KCNIP4: variants seen among roughly 807,000 people sequenced by gnomAD.
The protein encoded by KCNIP4 is Kv channel-interacting protein 4.
A neutral mutation model predicts 34.0 loss-of-function variants in KCNIP4; 12 were observed. That is an observed-to-expected ratio of 0.35 (90% CI 0.23 to 0.57). The LOEUF is 0.57. Among genes scored for constraint, KCNIP4 ranks in the 20% least tolerant of loss-of-function variants. The probability of loss-of-function intolerance (pLI) is 0.83; values close to 1 mark genes in which losing one functional copy is unlikely to be tolerated. For missense variants in KCNIP4, 238 were observed against 311.7 expected (o/e 0.76, Z 1.78); for synonymous variants, 124 against 102.2 (o/e 1.21, Z -1.29).
At chr4:21,280,226 A>G (rs2109164385) in intron 1 of KCNIP4, among the ~76,000 whole-genome samples, 1 of 152,306 alleles carries the variant, frequency 6.6e-6, no homozygotes, top group African/African-American at 2.4e-5. Flanking sequence ...GCAACTATGT[A>G]ATGCACCCCA....
At chr4:21,075,509 C>T (rs573704152) in intron 1 of KCNIP4, among the ~76,000 whole-genome samples, 1 of 152,114 alleles carries the variant, frequency 6.6e-6, no homozygotes, top group East Asian at 1.9e-4. Flanking sequence ...TTCCTCCATC[C>T]CTGTATTTTG....
At chr4:21,545,972 A>C (rs758754404) in intron 1 of KCNIP4, among the ~76,000 whole-genome samples, 2 of 152,092 alleles carry the variant, frequency 1.3e-5, no homozygotes, top group African/African-American at 2.4e-5. Context: ...GTCTTCCACA[A>C]TGGTTGAACT....
At chr4:20,925,262 TG>T (rs1560574461) in intron 1 of KCNIP4, among the ~76,000 whole-genome samples, 1 of 152,054 alleles carries the variant, frequency 6.6e-6, no homozygotes, top group Non-Finnish European at 1.5e-5. Context: ...AAATAGGAAC[TG>T]GGTAAAAATA....
chr4:21,389,843 T>C (rs1340296016), intron 1 of KCNIP4, among the ~76,000 whole-genome samples: 1 of 152,084 alleles, frequency 6.6e-6, no homozygotes, highest in East Asian at 1.9e-4. Flanking sequence ...GGTCAAATGG[T>C]ATTTCTAGTT....
chr4:21,047,243 G>C (rs1023535789), intron 1 of KCNIP4, among the ~76,000 whole-genome samples: 1 of 151,878 alleles, frequency 6.6e-6, no homozygotes, highest in African/African-American at 2.4e-5. Context: ...GATTTTTTTG[G>C]TCTTATGTTT....
Position 21,907,592 on chromosome 4 carries a change from T to C in KCNIP4, c.61+40979A>G, listed in dbSNP as rs1728074576. 1.6e-4 allele frequency among the ~76,000 whole-genome samples: 24 copies of C among 152,176 alleles called. 1 individual carries two copies. Among genetic ancestry groups the C allele is most frequent in the Admixed American group, 1.6e-3 (24 of 15,264 alleles). On this transcript the variant is annotated intron_variant, in intron 1 of 8. Coordinates refer to ENST00000382152, the MANE Select transcript of KCNIP4 (RefSeq NM_025221.6). ...GATTTTTATTTAGAAATGAACTTTATGGGGAATGTGTCTCTTCAGCTTTAT... is the reference window on the plus strand; with the variant it reads ...GATTTTTATTTAGAAATGAACTTTACGGGGAATGTGTCTCTTCAGCTTTAT...
At chr4:21,753,691 G>A (rs377055677) in intron 1 of KCNIP4, among the ~76,000 whole-genome samples, 7 of 152,206 alleles carry the variant, frequency 4.6e-5, no homozygotes, top group East Asian at 3.9e-4. Context: ...GCCCGGACTC[G>A]TCTTCGAATC....
chr4:21,129,909 AT>A, intron 1 of KCNIP4, among the ~76,000 whole-genome samples: 1 of 151,852 alleles, frequency 6.6e-6, no homozygotes. Flanking sequence ...AACAGTGTGA[AT>A]GTAAATGATG....
intron 3 of KCNIP4, among the ~76,000 whole-genome samples, chr4:20,827,909 T>G (rs1717954267): frequency 6.7e-6 from 1 of 149,168 alleles, no homozygotes; most frequent in Non-Finnish European, 1.5e-5. Flanking sequence ...CTAGTGAGAC[T>G]GTGCTACTCT....
intron 1 of KCNIP4, among the ~76,000 whole-genome samples, chr4:21,737,404 T>C (rs1716067684): frequency 1.3e-5 from 2 of 152,138 alleles, no homozygotes; most frequent in South Asian, 4.2e-4. Flanking sequence ...AAGTGGACAT[T>C]CAATGAAAAG....
chr4:21,632,015 T>C (rs190913438), intron 1 of KCNIP4, among the ~76,000 whole-genome samples: 5 of 152,348 alleles, frequency 3.3e-5, no homozygotes, highest in Middle Eastern at 3.4e-3. Flanking sequence ...TACATCTTTG[T>C]GCTATCACAA....
intron 1 of KCNIP4, among the ~76,000 whole-genome samples, chr4:21,028,456 T>C (rs1740735406): frequency 6.6e-6 from 1 of 152,198 alleles, no homozygotes; most frequent in Admixed American, 6.5e-5. Flanking sequence ...CAATATGTTT[T>C]ATTCACTCCT....
At chr4:21,741,181 T>C (rs973085124) in intron 1 of KCNIP4, among the ~76,000 whole-genome samples, 1 of 152,194 alleles carries the variant, frequency 6.6e-6, no homozygotes, top group African/African-American at 2.4e-5. Flanking sequence ...TTTTTCCATT[T>C]TTATGAAGGA....
intron 1 of KCNIP4, among the ~76,000 whole-genome samples, chr4:21,644,607 T>C (rs1422884626): frequency 6.6e-6 from 1 of 152,214 alleles, no homozygotes; most frequent in Non-Finnish European, 1.5e-5. Context: ...TGTGGTATTA[T>C]TATTTTAGTC....
intron 1 of KCNIP4, among the ~76,000 whole-genome samples, chr4:21,179,751 A>AC (rs1281782655): frequency 6.6e-6 from 1 of 152,210 alleles, no homozygotes; most frequent in African/African-American, 2.4e-5. Context: ...ATACAAAAAA[A>AC]CTTATTTTCT....
chr4:21,504,060 G>T (rs1363396050), intron 1 of KCNIP4, among the ~76,000 whole-genome samples: 1 of 152,002 alleles, frequency 6.6e-6, no homozygotes, highest in African/African-American at 2.4e-5. Context: ...TCATTTACTG[G>T]CTCTATAGGG....
At chr4:21,743,163 A>G (rs1173386071) in intron 1 of KCNIP4, among the ~76,000 whole-genome samples, 1 of 152,160 alleles carries the variant, frequency 6.6e-6, no homozygotes, top group African/African-American at 2.4e-5. Context: ...AACAGCCTAA[A>G]CTTATTTTCT....
chr4:21,298,026 C>A (rs999905230), intron 1 of KCNIP4, among the ~76,000 whole-genome samples: 1 of 152,138 alleles, frequency 6.6e-6, no homozygotes, highest in African/African-American at 2.4e-5. Context: ...TCCTTGTGAT[C>A]TTAAGCAAGT....
At chr4:21,225,283 C>A (rs73249512) in intron 1 of KCNIP4, among the ~76,000 whole-genome samples, 9,223 of 152,068 alleles carry the variant, frequency 0.061, 330 homozygotes, top group East Asian at 0.13. Flanking sequence ...GACAGTAGTC[C>A]TCAGGCCAGT....
Sources: allele counts gnomAD v4.1 joint callset (sites outside exome capture counted in the v4.1 genomes callset), GRCh38; gene constraint gnomAD v4.1.1; transcripts MANE v1.5; gene names NCBI Gene and HGNC (gene_info 2026-07-23, HGNC 2026-07-21).